Variants in TGM2 observed in about 807,000 individuals in gnomAD.
The protein encoded by TGM2 is transglutaminase 2, also known as protein-glutamine gamma-glutamyltransferase 2.
A neutral mutation model predicts 75.6 loss-of-function variants in TGM2; 53 were observed. The observed-to-expected ratio is 0.70, with a 90% CI of 0.56 to 0.88. TGM2 has a LOEUF of 0.88. Ranked by LOEUF, TGM2 falls within the 40% of genes least tolerant of loss-of-function variation. The pLI is 0.00. For missense variants in TGM2, 842 were observed against 928.5 expected (o/e 0.91, Z 1.21); for synonymous variants, 374 against 381.1 (o/e 0.98, Z 0.22).
intron 1 of TGM2, 55 bp from the exon 2 acceptor site, chr20:38,161,654 T>C: frequency 6.3e-7 from 1 of 1,597,670 alleles, no homozygotes; most frequent in Non-Finnish European, 8.6e-7. Flanking sequence ...AGACCTCCAG[T>C]GATGCACCTG....
chr20:38,149,505 G>A (rs45567736), intron 4 of TGM2, among the ~76,000 whole-genome samples: 7,586 of 151,788 alleles, frequency 0.05, 643 homozygotes, highest in African/African-American at 0.17. Context: ...GTGAAACCCC[G>A]TCTCTACTAA....
chr20:38,148,097 A>C lies in TGM2; in HGVS notation c.553-8T>G, dbSNP rs758057833. 6.2e-7 allele frequency: 1 copy of C among 1,614,046 alleles called. No individual in the cohort carries two copies. Among genetic ancestry groups the C allele is most frequent in the Non-Finnish European group, 8.5e-7 (1 of 1,179,946 alleles). On this transcript the variant is annotated splice_polypyrimidine_tract_variant and splice_region_variant and intron_variant, in intron 4 of 12. Coordinates refer to ENST00000361475, the MANE Select transcript of TGM2 (RefSeq NM_004613.4). ...TAGGATCCCATCTTCAAACTGTGTCAGAGGAAACAAGAGGAGAAAGAGGGA... is the reference window on the plus strand; with the variant it reads ...TAGGATCCCATCTTCAAACTGTGTCCGAGGAAACAAGAGGAGAAAGAGGGA...
intron 5 of TGM2, 122 bp downstream of exon 5, chr20:38,147,839 C>G (rs1600500866): frequency 7.0e-7 from 1 of 1,428,962 alleles, no homozygotes; most frequent in East Asian, 2.5e-5. Context: ...AGGTCTTTTC[C>G]CCAAGACTTA....
chr20:38,144,445 C>T (rs550664172), intron 6 of TGM2, among the ~76,000 whole-genome samples: 2 of 152,242 alleles, frequency 1.3e-5, no homozygotes, highest in South Asian at 2.1e-4. Context: ...TTACGGCAAA[C>T]GTCGTCCATC....
Position 38,146,892 on chromosome 20 carries a change from G to T in TGM2, c.684C>A (p.Val228=). 1 of 1,612,666 alleles carries T rather than the reference G, an allele frequency of 6.2e-7. No homozygotes were observed. The change falls in exon 6 of 13, where the codon GTC becomes GTA. Residue 228 remains valine, a splice_region_variant and synonymous_variant. Transcript: ENST00000361475. ...GCACACCCTGGTCATCGTTGCAGTT[G>T]ACCTGCAACCAGTGGGGCAGCACGG... The part of the protein sequence containing the change: ...VYVGRVVSGM[V]NCNDDQGVLL...
rs2075254249 is a variant in TGM2 at position 38,161,578 on chromosome 20, T to C, written c.32A>G (p.Asp11Gly). MAEELVLERC[D>G]LELETNGRDH... ...TCGGCCATTGGTCTCCAGCTCCAGA[T>C]CACACCTCTCTAAGACCAGCTCTAT... The change falls in exon 2 of 13, where the codon GAT becomes GGT. Residue 11 changes from aspartate (D) to glycine (G), a missense_variant. Asp to Gly is a moderately conservative substitution (Grantham distance 94, BLOSUM62 -1). Transcript: ENST00000361475. The C allele has an allele frequency of 6.2e-7, 1 of 1,614,094 alleles. No homozygotes were observed. The highest frequency in any genetic ancestry group is 8.5e-7 in the Non-Finnish European group (1 of 1,180,006).
At chr20:38,168,154 G>A (rs184007500), upstream of TGM2, among the ~76,000 whole-genome samples, 1 of 152,320 alleles carries the variant, frequency 6.6e-6, no homozygotes, top group East Asian at 1.9e-4. Context: ...ACATTCCACA[G>A]AACTATGGCC....
chr20:38,134,879 G>A (rs2074879331), intron 10 of TGM2, among the ~76,000 whole-genome samples: 1 of 152,222 alleles, frequency 6.6e-6, no homozygotes, highest in Admixed American at 6.5e-5. Context: ...ACCACAGTAT[G>A]GGGGCTTAGA....
rs750418455 is a variant in TGM2, at chr20:38,146,697, C to A, written c.859+20G>T. ...GCCCCCTCCCAGGGCTCATGACCCA[C>A]ATCCCAGCGTGCAGCTCACCTGTGC... is the stretch of plus-strand genomic sequence containing the variant. On this transcript the variant is annotated intron_variant, in intron 6 of 12. Transcript: ENST00000361475. 28 of 1,612,704 alleles carry A rather than the reference C, an allele frequency of 1.7e-5. No homozygotes were observed. The East Asian group carries it at 1.8e-4, about 10-fold the overall frequency.
intron 2 of TGM2, among the ~76,000 whole-genome samples, chr20:38,160,423 C>A (rs2075239951): frequency 6.6e-6 from 1 of 152,210 alleles, no homozygotes; most frequent in Admixed American, 6.5e-5. Context: ...CTTTACCTAT[C>A]CCTGGGGCCC....
At chr20:38,132,634 C>A in intron 10 of TGM2, 134 bp from the exon 11 acceptor site, 1 of 1,216,798 alleles carries the variant, frequency 8.2e-7, no homozygotes, top group Non-Finnish European at 1.2e-6. Context: ...GGGCGGATCC[C>A]TGAACTCCCC....
chr20:38,144,316 T>C (rs1441439243), intron 6 of TGM2, among the ~76,000 whole-genome samples: 1 of 152,116 alleles, frequency 6.6e-6, no homozygotes, highest in Non-Finnish European at 1.5e-5. Flanking sequence ...AATAGCAGCT[T>C]GTGGGGATTT....
At chr20:38,141,578 G>T (rs1342875596) in intron 7 of TGM2, among the ~76,000 whole-genome samples, 193 bp from the exon 8 acceptor site, 1 of 151,736 alleles carries the variant, frequency 6.6e-6, no homozygotes, top group Non-Finnish European at 1.5e-5. Context: ...TAGCCAAGGC[G>T]CCCACTCCTA....
At chr20:38,155,056 A>G (rs555304275) in intron 3 of TGM2, among the ~76,000 whole-genome samples, 1 of 152,320 alleles carries the variant, frequency 6.6e-6, no homozygotes, top group South Asian at 2.1e-4. Flanking sequence ...CAGTGAGCTG[A>G]GATTGTACCA....
chr20:38,135,659 G>A (rs1393904134), intron 10 of TGM2, among the ~76,000 whole-genome samples: 3 of 152,104 alleles, frequency 2.0e-5, no homozygotes, highest in Non-Finnish European at 4.4e-5. Context: ...GGGCCTGGAT[G>A]AGCAGCGAGG....
chr20:38,147,911 G>T, intron 5 of TGM2, 50 bp downstream of exon 5: 1 of 1,580,650 alleles, frequency 6.3e-7, no homozygotes, highest in South Asian at 1.1e-5. Flanking sequence ...AGAGGCCTGC[G>T]GGAGCCCCCT....
rs143903902 is a variant in TGM2 at position 38,140,426 on chromosome 20, C to A, written c.1100-772G>T. Reference sequence around the variant, plus strand: ...CCGCTGGAGGTCTTAAACCAGGGCCCACGGATCCCCCCAAGGCACTACCAA... The same window carrying A: ...CCGCTGGAGGTCTTAAACCAGGGCCAACGGATCCCCCCAAGGCACTACCAA... On this transcript the variant is annotated intron_variant, in intron 8 of 12. Coordinates refer to ENST00000361475, the MANE Select transcript of TGM2 (RefSeq NM_004613.4). 4.1e-3 allele frequency among the ~76,000 whole-genome samples: 621 copies of A among 152,254 alleles called. 1 individual carries two copies. Among genetic ancestry groups the A allele is most frequent in the African/African-American group, 0.014 (594 of 41,540 alleles).
Position 38,132,514 on chromosome 20 carries a change from G to A in TGM2, c.1616-14C>T, listed in dbSNP as rs746251501. ...GAACGCTCTTCTCTGCAGAAGGGGA[G>A]AAAGGAGGGTGCTCATGATGCAGAA... On this transcript the variant is annotated splice_polypyrimidine_tract_variant and intron_variant, in intron 10 of 12. Transcript: ENST00000361475. 6.8e-6 allele frequency: 11 copies of A among 1,613,924 alleles called. No individual in the cohort carries two copies. The highest frequency in any genetic ancestry group is 5.5e-5 in the South Asian group (5 of 91,084).
chr20:38,130,359 C>T lies in TGM2; in HGVS notation c.1924G>A (p.Val642Met), dbSNP rs148951551. Residue 642 changes from valine (V) to methionine (M), a missense_variant, in exon 13 of 13, where the codon GTG (valine) becomes ATG (methionine). Val to Met is a conservative substitution (Grantham distance 21). Coordinates refer to ENST00000361475, the MANE Select transcript of TGM2 (RefSeq NM_004613.4). ...ACCTTAACTTCCTCCCCTGCCTCCA[C>T]GGGGTCTGGGCTGCAGGGAGAGAGG... ...EQKTVEIPDP[V>M]EAGEEVKVRM... 22 of 1,592,674 alleles carry T rather than the reference C, an allele frequency of 1.4e-5. No individual in the cohort carries two copies. Among genetic ancestry groups the T allele is most frequent in the Middle Eastern group, 3.3e-4 (2 of 6,046 alleles).
Sources: allele counts gnomAD v4.1 joint callset (sites outside exome capture counted in the v4.1 genomes callset), GRCh38; gene constraint gnomAD v4.1.1; transcripts MANE v1.5; gene names NCBI Gene and HGNC (gene_info 2026-07-23, HGNC 2026-07-21).